DCTN4: variants seen among roughly 807,000 people sequenced by gnomAD.
DCTN4 encodes the protein dynactin 4 (p62).
A neutral mutation model predicts 62.7 loss-of-function variants in DCTN4; 23 were observed. That is an observed-to-expected ratio of 0.37 (90% CI 0.26 to 0.52). DCTN4 has a LOEUF of 0.52. Among genes scored for constraint, DCTN4 ranks in the 20% least tolerant of loss-of-function variants. The probability of loss-of-function intolerance (pLI) is 0.92; values close to 1 mark genes in which losing one functional copy is unlikely to be tolerated. For synonymous variants in DCTN4, 199 were observed against 202.1 expected (o/e 0.98, Z 0.13); for missense variants, 514 against 580.4 (o/e 0.89, Z 1.18).
At chr5:150,752,111 C>T (rs1022530578) in intron 3 of DCTN4, among the ~76,000 whole-genome samples, 13 of 151,896 alleles carry the variant, frequency 8.6e-5, no homozygotes, top group African/African-American at 2.7e-4. Flanking sequence ...AAAAAAAATA[C>T]GGAGTTAGTG....
At position 150,731,496 on chromosome 5, in the gene DCTN4, A is replaced by G. The variant is rs377637964; in HGVS notation, c.538-7T>C. ...TTCCAAGACCATATTTGTCCTAAAC[A>G]AAGTTCAGAAATTCCTATTAGAAAG... On this transcript the variant is annotated splice_region_variant and splice_polypyrimidine_tract_variant and intron_variant, in intron 5 of 12. Transcript: ENST00000447998. 5.0e-6 allele frequency: 8 copies of G among 1,610,872 alleles called. No homozygotes were observed. The African/African-American group carries it at 8.0e-5, about 16-fold the overall frequency.
At chr5:150,711,709 G>A (rs1040298808) in intron 12 of DCTN4, among the ~76,000 whole-genome samples, 4 of 152,052 alleles carry the variant, frequency 2.6e-5, no homozygotes, top group Non-Finnish European at 5.9e-5. Context: ...TGGTGGAGAT[G>A]GGGTTTCGCC....
In DCTN4 at chr5:150,756,649, T is replaced by TC. The variant is rs1554122395; in HGVS notation, c.136-163_136-162insG. 7.3e-3 allele frequency among the ~76,000 whole-genome samples: 1,100 copies of TC among 151,574 alleles called. 7 individuals are homozygous for TC. The highest frequency in any genetic ancestry group is 0.02 in the Middle Eastern group (6 of 294). On this transcript the variant is annotated intron_variant, in intron 1 of 12. Transcript: ENST00000447998. ...CTTCTTCAGTCACCTGTTTTTTTTT[T>TC]TTCTTCTTCTTCCGGATTTAAAAAA...
rs1043545 is a variant in DCTN4 at position 150,710,301 on chromosome 5, T to C, written c.*848A>G. 126 of 152,420 alleles carry C rather than the reference T, an allele frequency of 8.3e-4. 1 individual carries two copies. The highest frequency in any genetic ancestry group is 3.0e-3 in the African/African-American group (123 of 41,544). 9.4% of individuals were successfully genotyped at this position (152,420 alleles called of 1,614,324 possible). On this transcript the variant is annotated 3_prime_UTR_variant, in exon 13 of 13. Coordinates refer to ENST00000447998, the MANE Select transcript of DCTN4 (RefSeq NM_016221.4). The stretch of plus-strand genomic sequence containing the variant: ...CCCAAACAGAACAACTTAACTGAGT[T>C]AAAGAGGCAGAACAGGGAAGGGGTA...
At chr5:150,737,477 G>A (rs1352855834) in intron 4 of DCTN4, among the ~76,000 whole-genome samples, 1 of 152,156 alleles carries the variant, frequency 6.6e-6, no homozygotes, top group East Asian at 1.9e-4. Flanking sequence ...TTGAAACGAT[G>A]CAAATTGCAT....
Position 150,722,991 on chromosome 5 carries a change from A to T in DCTN4, c.835-11T>A. ...ATTATGTTCACATTTCTAAAAAGAA[A>T]ACAAATATAACACGTATCAGAAGAC... On this transcript the variant is annotated splice_polypyrimidine_tract_variant and intron_variant, in intron 8 of 12. Transcript: ENST00000447998. 1 of 1,573,620 alleles carries T rather than the reference A, an allele frequency of 6.4e-7. No homozygotes were observed.
At chr5:150,752,644 T>C (rs896739100) in intron 3 of DCTN4, among the ~76,000 whole-genome samples, 2 of 152,212 alleles carry the variant, frequency 1.3e-5, no homozygotes, top group Non-Finnish European at 1.5e-5. Context: ...AAGGAAGCTT[T>C]AATTTGCATT....
chr5:150,748,263 C>T (rs1381818680), intron 3 of DCTN4, among the ~76,000 whole-genome samples: 1 of 148,774 alleles, frequency 6.7e-6, no homozygotes, highest in African/African-American at 2.5e-5. Context: ...GTTAGAATGG[C>T]AATCATTAAA....
chr5:150,731,417 A>C lies in DCTN4; in HGVS notation c.610T>G (p.Ser204Ala). 6.2e-7 allele frequency: 1 copy of C among 1,613,716 alleles called. No homozygotes were observed. The highest frequency in any genetic ancestry group is 8.5e-7 in the Non-Finnish European group (1 of 1,179,842). Residue 204 changes from serine (S) to alanine (A), a missense_variant and splice_region_variant, in exon 6 of 13, where the codon TCC becomes GCC. Ser to Ala is a moderately conservative substitution (Grantham distance 99). Transcript: ENST00000447998. Reference sequence around the variant, plus strand: ...AAGTCATTTCATGTCTAAACTTACGAAAGTCCGGCAAGGGTACTGATGGAT... The same window carrying C: ...AAGTCATTTCATGTCTAAACTTACGCAAGTCCGGCAAGGGTACTGATGGAT... ...GASISTLAGL[S>A]LKEGEDQKEI...
At chr5:150,731,781 G>T in intron 5 of DCTN4, 1 of 1,076,746 alleles carries the variant, frequency 9.3e-7, no homozygotes. Context: ...GCTCAGGCAA[G>T]AACTATGTGG....
In DCTN4 at chr5:150,710,217, T is replaced by C. The variant is rs1759508986; in HGVS notation, c.*932A>G. ...TCTAAAAATCTAGCCTTTAAAATGT[T>C]TTCTGCATTCCAGAAATGAACCTGT... On this transcript the variant is annotated 3_prime_UTR_variant, in exon 13 of 13. Transcript: ENST00000447998. 1 of 152,382 alleles carries C rather than the reference T, an allele frequency of 6.6e-6. No individual in the cohort carries two copies. Among genetic ancestry groups the C allele is most frequent in the South Asian group, 2.1e-4 (1 of 4,836 alleles). The allele number at this position is 152,382 out of a possible 1,614,324, so 9.4% of individuals were successfully genotyped here.
intron 4 of DCTN4, among the ~76,000 whole-genome samples, chr5:150,739,535 C>T (rs528442636): frequency 3.9e-5 from 6 of 152,262 alleles, no homozygotes; most frequent in African/African-American, 1.4e-4. Flanking sequence ...ATGCAATTCC[C>T]ACCAAAATAC....
At chr5:150,745,480 G>A (rs1190794304) in intron 3 of DCTN4, among the ~76,000 whole-genome samples, 1 of 152,088 alleles carries the variant, frequency 6.6e-6, no homozygotes, top group Admixed American at 6.6e-5. Context: ...CAAATCAACA[G>A]AATATACATT....
chr5:150,711,427 C>T (rs1349559513), intron 12 of DCTN4, 65 bp from the exon 13 acceptor site: 1 of 1,261,978 alleles, frequency 7.9e-7, no homozygotes, highest in Non-Finnish European at 1.1e-6. Context: ...CTAAGACTTA[C>T]AGTAAAAGTC....
At position 150,711,041 on chromosome 5, in the gene DCTN4, G is replaced by C; in HGVS notation, c.*108C>G. Reference sequence around the variant, plus strand: ...TTTCTTAGCAATAGAATTCCGTAGTGCATGGGTACATCGTTATAAACAAGG... The same window carrying C: ...TTTCTTAGCAATAGAATTCCGTAGTCCATGGGTACATCGTTATAAACAAGG... On this transcript the variant is annotated 3_prime_UTR_variant, in exon 13 of 13. Transcript: ENST00000447998. 9.5e-7 allele frequency: 1 copy of C among 1,057,748 alleles called. No homozygotes were observed. Among genetic ancestry groups the C allele is most frequent in the South Asian group, 1.5e-5 (1 of 67,340 alleles). The allele number at this position is 1,057,748 out of a possible 1,614,324, so 65.5% of individuals were successfully genotyped here. A position where few individuals can be genotyped will look rare whatever the true frequency, so the allele number is the denominator to read the frequency against.
At chr5:150,718,174 C>G (rs1759833865) in intron 11 of DCTN4, 102 bp downstream of exon 11, 1 of 687,966 alleles carries the variant, frequency 1.5e-6, no homozygotes, top group Admixed American at 3.1e-5. Context: ...AACTTGCTGA[C>G]TAGATGTGGA....
chr5:150,712,723 C>A (rs902324514), intron 12 of DCTN4, among the ~76,000 whole-genome samples: 1 of 152,196 alleles, frequency 6.6e-6, no homozygotes, highest in African/African-American at 2.4e-5. Flanking sequence ...TTGAGGTTTG[C>A]ATTTCAATTT....
chr5:150,755,719 A>T (rs1752836277), intron 2 of DCTN4, among the ~76,000 whole-genome samples: 1 of 152,244 alleles, frequency 6.6e-6, no homozygotes, highest in South Asian at 2.1e-4. Context: ...TAGAGACATA[A>T]CTATAAATAT....
At chr5:150,726,963 T>C (rs1162307473) in intron 8 of DCTN4, among the ~76,000 whole-genome samples, 2 of 152,198 alleles carry the variant, frequency 1.3e-5, no homozygotes, top group African/African-American at 4.8e-5. Flanking sequence ...AAGTTGTCTG[T>C]CATTTGAAAT....
Sources: gnomAD v4.1 joint callset for allele counts (sites outside exome capture counted in the v4.1 genomes callset) on GRCh38, gnomAD v4.1.1 for gene constraint, MANE v1.5 for transcripts, NCBI Gene and HGNC (gene_info 2026-07-23, HGNC 2026-07-21) for gene names.